PLAU: variants seen among roughly 807,000 people sequenced by gnomAD.
PLAU encodes the protein urokinase-type plasminogen activator.
Under a neutral mutation model 48.9 loss-of-function variants are expected in PLAU, and 32 were observed. The ratio of observed to expected loss-of-function variants is 0.65; its 90% confidence interval spans 0.49 to 0.88. The LOEUF (loss-of-function observed/expected upper bound fraction) is 0.88. Ranked by LOEUF, PLAU falls within the 40% of genes least tolerant of loss-of-function variation. The pLI, the probability that PLAU is intolerant of heterozygous loss-of-function variation, is 0.00. For synonymous variants in PLAU, 199 were observed against 205.7 expected, an observed-to-expected ratio of 0.97 and a Z score of 0.28; for missense variants, 455 against 545.2, an observed-to-expected ratio of 0.83 and a Z score of 1.65.
chr10:73,910,183 C>G (rs2096121315), upstream of PLAU: 1 of 152,224 alleles, frequency 6.6e-6, no homozygotes, highest in South Asian at 2.1e-4. Flanking sequence ...ATTTTGTCCT[C>G]CAGTCTCCCA....
Position 73,915,374 on chromosome 10 carries a change from C to T in PLAU, c.1094C>T (p.Pro365Leu). 1 of 1,610,896 alleles carries T rather than the reference C, an allele frequency of 6.2e-7. No homozygotes were observed. The highest frequency in any genetic ancestry group is 1.1e-5 in the South Asian group (1 of 90,712). The change falls in exon 10 of 11, where the codon CCA becomes CTA. Residue 365 changes from proline to leucine, a missense_variant. Physicochemically the swap from Pro to Leu is moderately conservative, Grantham distance 98. Coordinates refer to ENST00000372764, the MANE Select transcript of PLAU (RefSeq NM_002658.6). ...ACCAAAATGCTGTGTGCTGCTGACC[C>T]ACAGTGGAAAACAGATTCCTGCCAG... ...VTTKMLCAAD[P>L]QWKTDSCQGD...
Position 73,914,027 on chromosome 10 carries a change from G to T in PLAU, c.728G>T (p.Arg243Met). The T allele has an allele frequency of 6.2e-7, 1 of 1,614,048 alleles. No homozygotes were observed. The highest frequency in any genetic ancestry group is 8.5e-7 in the Non-Finnish European group (1 of 1,179,880). Residue 243 changes from arginine (R) to methionine (M), a missense_variant, in exon 8 of 11, where the codon AGG becomes ATG. Physicochemically the swap from Arg to Met is moderately conservative, Grantham distance 91 (BLOSUM62 -1). Coordinates refer to ENST00000372764, the MANE Select transcript of PLAU (RefSeq NM_002658.6). ...TACATCGTCTACCTGGGTCGCTCAA[G>T]GCTTAACTCCAACACGCAAGGGGAG... ...EDYIVYLGRS[R>M]LNSNTQGEMK... is the part of the protein sequence containing the mutation.
intron 8 of PLAU, 58 bp downstream of exon 8, chr10:73,914,186 G>A (rs2096131389): frequency 1.3e-6 from 2 of 1,582,758 alleles, no homozygotes; most frequent in Admixed American, 1.7e-5. Context: ...GTGGGACCCA[G>A]GGAGAGACTG....
chr10:73,914,340 CCAA>C (rs1253004017), intron 8 of PLAU, among the ~76,000 whole-genome samples: 1 of 152,192 alleles, frequency 6.6e-6, no homozygotes, highest in East Asian at 1.9e-4. Context: ...CTGAATTTCC[CCAA>C]CAAGTAGCCT....
chr10:73,916,065 C>T (rs1423992583), intron 10 of PLAU, among the ~76,000 whole-genome samples: 7 of 152,166 alleles, frequency 4.6e-5, no homozygotes, highest in South Asian at 2.1e-4. Flanking sequence ...CATGGTGAAA[C>T]CCTGTGTCTA....
rs373870847 is a variant in PLAU, at chr10:73,913,640, G to A, written c.562G>A (p.Glu188Lys). The A allele has an allele frequency of 3.2e-5, 51 of 1,613,942 alleles. No homozygotes were observed. In the East Asian group the frequency reaches 7.1e-4, roughly 23 times the overall value. The change falls in exon 7 of 11, where the codon GAG becomes AAG. Residue 188 changes from glutamate (E) to lysine (K), a missense_variant. By Grantham distance (56) the Glu-to-Lys change is moderately conservative. Transcript: ENST00000372764. ...KIIGGEFTTI[E>K]NQPWFAAIYR... ...TATTGGGGGAGAATTCACCACCATC[G>A]AGAACCAGCCCTGGTTTGCGGCCAT...
At chr10:73,914,521 A>G (rs970994771) in intron 8 of PLAU, among the ~76,000 whole-genome samples, 1 of 152,190 alleles carries the variant, frequency 6.6e-6, no homozygotes, top group Non-Finnish European at 1.5e-5. Context: ...TAACTACCTC[A>G]GCTGGGAGTT....
At chr10:73,911,728 G>A in intron 2 of PLAU, 116 bp downstream of exon 2, 2 of 1,557,676 alleles carry the variant, frequency 1.3e-6, no homozygotes, top group Non-Finnish European at 1.7e-6. Flanking sequence ...AGCAGGGCCA[G>A]ACTCTCCCCA....
At chr10:73,914,613 G>C (rs1175278408) in intron 8 of PLAU, among the ~76,000 whole-genome samples, 163 bp from the exon 9 acceptor site, 1 of 152,146 alleles carries the variant, frequency 6.6e-6, no homozygotes, top group African/African-American at 2.4e-5. Flanking sequence ...AAGCCCTTGG[G>C]GCATGGGGCA....
rs1488550730 is a variant in PLAU, at chr10:73,913,311, A to G, written c.390A>G (p.Arg130=). The G allele has an allele frequency of 6.2e-7, 1 of 1,614,088 alleles. No individual in the cohort carries two copies. Among genetic ancestry groups the G allele is most frequent in the Non-Finnish European group, 8.5e-7 (1 of 1,180,000 alleles). Residue 130 remains arginine, a synonymous_variant, in exon 6 of 11, where the codon CGA becomes CGG. Coordinates refer to ENST00000372764, the MANE Select transcript of PLAU (RefSeq NM_002658.6). ...NYCRNPDNRR[R]PWCYVQVGLK... ...CCAGGAACCCAGACAACCGGAGGCGACCCTGGTGCTATGTGCAGGTGGGCC... is the reference window on the plus strand; with the variant it reads ...CCAGGAACCCAGACAACCGGAGGCGGCCCTGGTGCTATGTGCAGGTGGGCC...
Position 73,916,499 on chromosome 10 carries a change from G to A in PLAU, c.1230G>A (p.Thr410=), listed in dbSNP as rs767933395. The A allele has an allele frequency of 4.4e-5, 71 of 1,613,910 alleles. No homozygotes were observed. The highest frequency in any genetic ancestry group is 8.9e-5 in the East Asian group (4 of 44,900). The change falls in exon 11 of 11, where the codon ACG becomes ACA. Residue 410 remains threonine (T), a synonymous_variant. Coordinates refer to ENST00000372764, the MANE Select transcript of PLAU (RefSeq NM_002658.6). The part of the protein sequence containing the change: ...CALKDKPGVY[T]RVSHFLPWIR... ...TGAAGGACAAGCCAGGCGTCTACAC[G>A]AGAGTCTCACACTTCTTACCCTGGA...
chr10:73,911,629 T>C lies in PLAU; in HGVS notation c.57+17T>C. 6.2e-7 allele frequency: 1 copy of C among 1,613,638 alleles called. No individual in the cohort carries two copies. The highest frequency in any genetic ancestry group is 8.5e-7 in the Non-Finnish European group (1 of 1,179,878). On this transcript the variant is annotated intron_variant, in intron 2 of 10. Transcript: ENST00000372764. ...GACTCCAAAGTGAGTGCGCTCTTGC[T>C]TTGACTGATGCTGCCCAAGGACCTC... is the stretch of plus-strand genomic sequence containing the variant.
Position 73,915,402 on chromosome 10 carries a change from G to A in PLAU, c.1119+3G>A, listed in dbSNP as rs764162545. 4 of 1,602,070 alleles carry A rather than the reference G, an allele frequency of 2.5e-6. No individual in the cohort carries two copies. On this transcript the variant is annotated splice_donor_region_variant and intron_variant, in intron 10 of 10. Transcript: ENST00000372764. ...AGTGGAAAACAGATTCCTGCCAGGT[G>A]AGTGTTCCAAGCATCTCTCTCCACC... is the stretch of plus-strand genomic sequence containing the variant.
intron 1 of PLAU, 72 bp downstream of exon 1, chr10:73,911,290 C>T (rs1057402881): frequency 7.9e-5 from 43 of 541,096 alleles, no homozygotes; most frequent in African/African-American, 4.5e-4. Context: ...CTGCCTCCCC[C>T]GCCCTGGGCT....
Position 73,916,617 on chromosome 10 carries a change from T to A in PLAU, c.*52T>A, listed in dbSNP as rs560674195. On this transcript the variant is annotated 3_prime_UTR_variant, in exon 11 of 11. Transcript: ENST00000372764. Reference sequence around the variant, plus strand: ...ACCCGCTTTCTTGCTGGTTGTCATTTTTGCAGTAGAGTCATCTCCATCAGC... The same window carrying A: ...ACCCGCTTTCTTGCTGGTTGTCATTATTGCAGTAGAGTCATCTCCATCAGC... 5.3e-5 allele frequency: 77 copies of A among 1,441,482 alleles called. 2 individuals carry two copies. The East Asian group carries it at 6.2e-4, about 12-fold the overall frequency. The allele number at this position is 1,441,482 out of a possible 1,614,324, so 89.3% of individuals were successfully genotyped here.
In PLAU at chr10:73,913,774, T is replaced by C; in HGVS notation, c.680+16T>C. 1 of 1,563,130 alleles carries C rather than the reference T, an allele frequency of 6.4e-7. No homozygotes were observed. The highest frequency in any genetic ancestry group is 8.7e-7 in the Non-Finnish European group (1 of 1,152,194). On this transcript the variant is annotated intron_variant, in intron 7 of 10. Transcript: ENST00000372764. The stretch of plus-strand genomic sequence containing the variant: ...ACTGCTTCATGTACGGCCCTGGGTT[T>C]CTCCTCTTCGACTCTTCTGCCCCAC...
At chr10:73,909,706 C>T (rs1166365326), upstream of PLAU, among the ~76,000 whole-genome samples, 1 of 152,212 alleles carries the variant, frequency 6.6e-6, no homozygotes, top group Non-Finnish European at 1.5e-5. Context: ...CAGGCCTAGG[C>T]TGGGAAAGGG....
At chr10:73,916,168 C>T (rs948554731) in intron 10 of PLAU, among the ~76,000 whole-genome samples, 1 of 152,214 alleles carries the variant, frequency 6.6e-6, no homozygotes, top group African/African-American at 2.4e-5. Context: ...CGCTTGAGCA[C>T]AGGAGGCAAG....
chr10:73,913,210 G>T (rs570299329), intron 5 of PLAU, 80 bp from the exon 6 acceptor site: 2 of 1,572,550 alleles, frequency 1.3e-6, no homozygotes, highest in Non-Finnish European at 1.7e-6. Flanking sequence ...TGCGGCCTCT[G>T]GTTGAGTCTT....
Sources: allele counts gnomAD v4.1 joint callset (sites outside exome capture counted in the v4.1 genomes callset), GRCh38; gene constraint gnomAD v4.1.1; transcripts MANE v1.5; gene names NCBI Gene and HGNC (gene_info 2026-07-23, HGNC 2026-07-21).